Variants in ACOX3 observed in about 807,000 individuals in gnomAD.
ACOX3 encodes the protein acyl-CoA oxidase 3, pristanoyl, also known as peroxisomal acyl-coenzyme A oxidase 3.
In ACOX3, 73 loss-of-function variants were observed where a neutral mutation model predicts 81.5. The observed-to-expected ratio is 0.90, with a 90% CI of 0.74 to 1.09. The LOEUF is 1.09. Among genes scored for constraint, ACOX3 ranks in the 50% least tolerant of loss-of-function variants. The probability of loss-of-function intolerance (pLI) is 0.00; values close to 1 mark genes in which losing one functional copy is unlikely to be tolerated. For missense variants in ACOX3, 947 were observed against 928.0 expected, an observed-to-expected ratio of 1.02 and a Z score of -0.27; for synonymous variants, 387 against 375.1, an observed-to-expected ratio of 1.03 and a Z score of -0.37.
downstream of ACOX3, among the ~76,000 whole-genome samples, chr4:8,364,003 CCTTTA>C (rs1285107360): frequency 6.6e-6 from 1 of 152,118 alleles, no homozygotes; most frequent in Admixed American, 6.5e-5. The surrounding 1 kb of genome is among the most constrained non-coding windows in gnomAD (Gnocchi z 5.0). Context: ...TTCTTCTATT[CCTTTA>C]CTTTCTTAAT....
intron 13 of ACOX3, among the ~76,000 whole-genome samples, chr4:8,387,291 G>C (rs967607766): frequency 2.6e-5 from 4 of 152,238 alleles, no homozygotes; most frequent in Non-Finnish European, 5.9e-5. Flanking sequence ...GAGGCAGGAA[G>C]GCTGAGGGAC....
intron 10 of ACOX3, among the ~76,000 whole-genome samples, chr4:8,392,682 C>T (rs1426001983): frequency 7.9e-5 from 12 of 151,698 alleles, no homozygotes; most frequent in Admixed American, 7.9e-4. Flanking sequence ...GAAAACACAG[C>T]TCTACACAGC....
chr4:8,363,840 GAC>G (rs1227750352), downstream of ACOX3, among the ~76,000 whole-genome samples: 1 of 152,086 alleles, frequency 6.6e-6, no homozygotes, highest in African/African-American at 2.4e-5. Context: ...CCAGCGCCAT[GAC>G]AGTTTACAAA....
intron 1 of ACOX3, among the ~76,000 whole-genome samples, chr4:8,418,887 C>G (rs1383201584): frequency 6.6e-6 from 1 of 152,080 alleles, no homozygotes; most frequent in Non-Finnish European, 1.5e-5. Context: ...CAAACAACAA[C>G]AACAACAAAA....
intron 3 of ACOX3, 112 bp downstream of exon 3, chr4:8,415,654 T>G (rs1722246573): frequency 1.1e-6 from 1 of 885,430 alleles, no homozygotes; most frequent in East Asian, 2.6e-5. Flanking sequence ...TTTGCAAATA[T>G]AGCTGGACAA....
In ACOX3 at chr4:8,370,338, T is replaced by G. The variant is rs1190373908; in HGVS notation, c.1983+570A>C. Among the ~76,000 whole-genome samples, 1 of 151,636 alleles carries G rather than the reference T, an allele frequency of 6.6e-6. No homozygotes were observed. The highest frequency in any genetic ancestry group is 1.5e-5 in the Non-Finnish European group (1 of 67,914). ...GGCAGTCGAGGAGGCTGGTGGAGGC[T>G]CCCTCAGGGGGGCGGCCTGACCCCA... On this transcript the variant is annotated intron_variant, in intron 17 of 17. Transcript: ENST00000356406. The surrounding 1 kb of genome is among the most constrained non-coding windows in gnomAD (Gnocchi z 6.3).
At chr4:8,388,749 C>T (rs28416714) in intron 13 of ACOX3, among the ~76,000 whole-genome samples, 2,282 of 152,278 alleles carry the variant, frequency 0.015, 63 homozygotes, top group African/African-American at 0.051. Context: ...GAAGGGGCAT[C>T]TGCTGTTTGG....
chr4:8,437,082 T>C lies in ACOX3; in HGVS notation c.-15+3566A>G, dbSNP rs1451073776. Among the ~76,000 whole-genome samples the C allele has an allele frequency of 7.2e-6, 1 of 137,994 alleles. No homozygotes were observed. Among genetic ancestry groups the C allele is most frequent in the Non-Finnish European group, 1.5e-5 (1 of 65,520 alleles). 90.5% of individuals were successfully genotyped at this position (137,994 alleles called of 152,430 possible). Reference sequence around the variant, plus strand: ...ATATATGTAAATATATAGAAATATATACACGTAAATATATATATTTACATA... The same window carrying C: ...ATATATGTAAATATATAGAAATATACACACGTAAATATATATATTTACATA... On this transcript the variant is annotated intron_variant, in intron 1 of 17. Coordinates refer to ENST00000356406, the MANE Select transcript of ACOX3 (RefSeq NM_003501.3). The surrounding 1 kb of genome is among the most constrained non-coding windows in gnomAD (Gnocchi z 5.2).
At position 8,386,410 on chromosome 4, in the gene ACOX3, C is replaced by CA. The variant is rs1212593573; in HGVS notation, c.1537+2762dup. Reference sequence around the variant, plus strand: ...TGAAACTCCGTCTCTACTAAAAATACAAAAAATTAGCCGGGTGTGGTTGTG... The same window carrying CA: ...TGAAACTCCGTCTCTACTAAAAATACAAAAAAATTAGCCGGGTGTGGTTGTG... On this transcript the variant is annotated intron_variant, in intron 13 of 17. Coordinates refer to ENST00000356406, the MANE Select transcript of ACOX3 (RefSeq NM_003501.3). The surrounding 1 kb of genome is among the most constrained non-coding windows in gnomAD (Gnocchi z 5.2). Among the ~76,000 whole-genome samples the CA allele has an allele frequency of 6.6e-6, 1 of 151,710 alleles. No individual in the cohort carries two copies. The highest frequency in any genetic ancestry group is 2.4e-5 in the African/African-American group (1 of 41,324).
intron 1 of ACOX3, among the ~76,000 whole-genome samples, chr4:8,422,076 C>T (rs1256463945): frequency 6.6e-6 from 1 of 151,872 alleles, no homozygotes; most frequent in South Asian, 2.1e-4. Flanking sequence ...GGGCAACGAG[C>T]GAACATTCTT....
chr4:8,399,526 C>A lies in ACOX3; in HGVS notation c.873+30G>T. 1 of 1,572,708 alleles carries A rather than the reference C, an allele frequency of 6.4e-7. No individual in the cohort carries two copies. The highest frequency in any genetic ancestry group is 1.1e-5 in the South Asian group (1 of 89,994). On this transcript the variant is annotated intron_variant, in intron 8 of 17. Transcript: ENST00000356406. The surrounding 1 kb of genome is among the most constrained non-coding windows in gnomAD (Gnocchi z 4.9). ...TGCAGAGGAAGGCACCTGGGAAGCA[C>A]GGCACACGAACGGCCCCCCATGCCT...
chr4:8,396,839 T>C lies in ACOX3; in HGVS notation c.1056+98A>G, dbSNP rs550603552. ...TCATCCTGTTAATTGCCTTAAGAGCTTTGATCAACTCCCAGTAACCAAACG... is the reference window on the plus strand; with the variant it reads ...TCATCCTGTTAATTGCCTTAAGAGCCTTGATCAACTCCCAGTAACCAAACG... On this transcript the variant is annotated intron_variant, in intron 9 of 17. Transcript: ENST00000356406. The C allele has an allele frequency of 1.6e-5, 23 of 1,422,878 alleles. 1 individual carries two copies. The African/African-American group carries it at 2.9e-4, about 18-fold the overall frequency. The allele number at this position is 1,422,878 out of a possible 1,614,324, so 88.1% of individuals were successfully genotyped here.
Position 8,375,018 on chromosome 4 carries a change from G to T in ACOX3, c.1788C>A (p.Ala596=). 6.4e-7 allele frequency: 1 copy of T among 1,553,294 alleles called. No homozygotes were observed. Among genetic ancestry groups the T allele is most frequent in the South Asian group, 1.2e-5 (1 of 84,408 alleles). ...AVLGRLSALY[A]LWSLSRHAAL... ...CCGCGTGGCGGCTCAGGGACCACAG[G>T]GCGTACAGAGCACTGAGCCGCCCCA... Residue 596 remains alanine (A), a synonymous_variant, in exon 15 of 18, where the codon GCC becomes GCA. Coordinates refer to ENST00000356406, the MANE Select transcript of ACOX3 (RefSeq NM_003501.3).
At position 8,414,468 on chromosome 4, in the gene ACOX3, A is replaced by C; in HGVS notation, c.454-87T>G. ...GGACCTCACTGCCATCTTTCCTTTA[A>C]AGATGAAACCACATATCAAAGCCCC... On this transcript the variant is annotated intron_variant, in intron 4 of 17. Coordinates refer to ENST00000356406, the MANE Select transcript of ACOX3 (RefSeq NM_003501.3). This position sits in a 1 kb window ranked among gnomAD's most constrained non-coding sequence, Gnocchi z 6.1. 2 of 1,229,792 alleles carry C rather than the reference A, an allele frequency of 1.6e-6. No individual in the cohort carries two copies. Among genetic ancestry groups the C allele is most frequent in the South Asian group, 1.2e-5 (1 of 80,422 alleles). The allele number at this position is 1,229,792 out of a possible 1,614,324, so 76.2% of individuals were successfully genotyped here. A position where few individuals can be genotyped will look rare whatever the true frequency, so the allele number is the denominator to read the frequency against.
intron 5 of ACOX3, among the ~76,000 whole-genome samples, chr4:8,413,779 C>G (rs1722044961): frequency 6.6e-6 from 1 of 152,270 alleles, no homozygotes; most frequent in Non-Finnish European, 1.5e-5. Flanking sequence ...AACTCCCAGG[C>G]AGCAGCCACA....
chr4:8,390,547 T>C lies in ACOX3; in HGVS notation c.1301-813A>G, dbSNP rs116356263. Reference sequence around the variant, plus strand: ...CCGTCCATAACTGAATGAACTCTTCTTTTAACACAGGAAATTTCAAGATAA... The same window carrying C: ...CCGTCCATAACTGAATGAACTCTTCCTTTAACACAGGAAATTTCAAGATAA... On this transcript the variant is annotated intron_variant, in intron 11 of 17. Coordinates refer to ENST00000356406, the MANE Select transcript of ACOX3 (RefSeq NM_003501.3). Among the ~76,000 whole-genome samples the C allele has an allele frequency of 2.7e-3, 416 of 152,376 alleles. 1 individual carries two copies. The highest frequency in any genetic ancestry group is 9.6e-3 in the African/African-American group (400 of 41,590).
Position 8,412,515 on chromosome 4 carries a change from G to GATGAATGGATGGATGGAAGA in ACOX3, c.543+1757_543+1776dup, listed in dbSNP as rs1560196421. On this transcript the variant is annotated intron_variant, in intron 5 of 17. Transcript: ENST00000356406. ...GAGAGAATGAATGGATGGATGGAAG[G>GATGAATGGATGGATGGAAGA]ATGAATGGATGGATGGAAGAATGAA... is the stretch of plus-strand genomic sequence containing the variant. Among the ~76,000 whole-genome samples the GATGAATGGATGGATGGAAGA allele has an allele frequency of 2.0e-5, 3 of 151,586 alleles. No homozygotes were observed. In the East Asian group the frequency reaches 5.8e-4, roughly 29 times the overall value.
At position 8,419,897 on chromosome 4, in the gene ACOX3, G is replaced by A. The variant is rs138052564; in HGVS notation, c.-14-3362C>T. 3.3e-3 allele frequency among the ~76,000 whole-genome samples: 496 copies of A among 152,186 alleles called. 1 individual carries two copies. The highest frequency in any genetic ancestry group is 5.7e-3 in the Non-Finnish European group (388 of 68,006). ...CATGTTGGAATTCCCCTCTCCATGCGCCATAACCTCAGTACATTACCAAGT... is the reference window on the plus strand; with the variant it reads ...CATGTTGGAATTCCCCTCTCCATGCACCATAACCTCAGTACATTACCAAGT... On this transcript the variant is annotated intron_variant, in intron 1 of 17. Transcript: ENST00000356406. The surrounding 1 kb of genome is among the most constrained non-coding windows in gnomAD (Gnocchi z 4.2).
rs572242062 is a variant in ACOX3, at chr4:8,389,316, G to A, written c.1424-30C>T. 44 of 1,592,308 alleles carry A rather than the reference G, an allele frequency of 2.8e-5. No homozygotes were observed. In the East Asian group the frequency reaches 5.4e-4, roughly 20 times the overall value. ...GACACACATTCCAGTGACTTTGGTGGAAGACAGGAACCCAAACCATTGGGA... is the reference window on the plus strand; with the variant it reads ...GACACACATTCCAGTGACTTTGGTGAAAGACAGGAACCCAAACCATTGGGA... On this transcript the variant is annotated intron_variant, in intron 12 of 17. Coordinates refer to ENST00000356406, the MANE Select transcript of ACOX3 (RefSeq NM_003501.3). The surrounding 1 kb of genome is among the most constrained non-coding windows in gnomAD (Gnocchi z 5.3).
Sources: allele counts gnomAD v4.1 joint callset (sites outside exome capture counted in the v4.1 genomes callset), GRCh38; gene constraint gnomAD v4.1.1; non-coding constraint Gnocchi (gnomAD v3.1); transcripts MANE v1.5; gene names NCBI Gene and HGNC (gene_info 2026-07-23, HGNC 2026-07-21).